The following AHCY variants were observed in gnomAD, a reference collection of about 807,000 sequenced individuals.
AHCY encodes S-adenosyl-L-homocysteine hydrolase.
Under a neutral mutation model 45.4 loss-of-function variants are expected in AHCY, and 24 were observed. The observed-to-expected ratio is 0.53, with a 90% confidence interval of 0.38 to 0.74. AHCY has a LOEUF of 0.74. AHCY is among the 30% of genes least tolerant of loss of function. AHCY has a pLI of 0.00. For synonymous variants in AHCY, 245 were observed against 235.1 expected (o/e 1.04, Z -0.39); for missense variants, 449 against 594.1 (o/e 0.76, Z 2.54).
At chr20:34,232,986 T>C in the AHCY span, among the ~76,000 whole-genome samples, 1 of 152,154 alleles carries the variant, frequency 6.6e-6, no homozygotes, top group Non-Finnish European at 1.5e-5. Flanking sequence ...GAGTTTAACG[T>C]GTTCTCCCTC....
the AHCY span, among the ~76,000 whole-genome samples, chr20:34,235,355 G>T: frequency 6.6e-6 from 1 of 152,048 alleles, no homozygotes; most frequent in South Asian, 2.1e-4. Context: ...CAGGACAATC[G>T]CTTGAAGCGG....
At position 34,285,654 on chromosome 20, in the gene AHCY, C is replaced by T. The variant is rs185042783; in HGVS notation, c.973-20G>A. The T allele has an allele frequency of 7.4e-6, 12 of 1,610,990 alleles. No individual in the cohort carries two copies. The highest frequency in any genetic ancestry group is 6.7e-5 in the African/African-American group (5 of 75,028). On this transcript the variant is annotated intron_variant, in intron 8 of 9. Coordinates refer to ENST00000217426, the MANE Select transcript of AHCY (RefSeq NM_000687.4). ...GTCCACCTACACGCAGGCAGGGCAA[C>T]AGTGAAGGCAGGCAGGGCCCCGCTC...
At chr20:34,247,232 C>T in the AHCY span, among the ~76,000 whole-genome samples, 1 of 151,642 alleles carries the variant, frequency 6.6e-6, no homozygotes. Context: ...ATATTTGCCT[C>T]ACATGGTCCT....
At chr20:34,261,695 G>T in the AHCY span, among the ~76,000 whole-genome samples, 1 of 152,110 alleles carries the variant, frequency 6.6e-6, no homozygotes, top group African/African-American at 2.4e-5. Flanking sequence ...CCAGCTATTT[G>T]GGAGGCTGAG....
chr20:34,303,172 C>T, intron 1 of AHCY, 71 bp downstream of exon 1: 2 of 1,547,310 alleles, frequency 1.3e-6, no homozygotes, highest in African/African-American at 1.4e-5. Context: ...GTCGGCCCTG[C>T]AGCCCCCGCC....
At chr20:34,241,604 T>G in the AHCY span, 1 of 927,828 alleles carries the variant, frequency 1.1e-6, no homozygotes, top group South Asian at 5.0e-5. Context: ...ACAGATTTTT[T>G]TGATTCACTT....
chr20:34,238,689 G>T, the AHCY span, among the ~76,000 whole-genome samples: 34 of 151,934 alleles, frequency 2.2e-4, no homozygotes, highest in Admixed American at 4.6e-4. Flanking sequence ...TCCTTTGAAT[G>T]TGCCATATTT....
At chr20:34,241,467 C>G in the AHCY span, 1 of 985,450 alleles carries the variant, frequency 1.0e-6, no homozygotes, top group Non-Finnish European at 1.2e-6. Context: ...GTTCCTTGGC[C>G]TGGGCTCTTT....
rs139494949 is a variant in AHCY, at chr20:34,291,284, T to C, written c.558+135A>G. ...CCCCTTTTAAACGCACTCATTAGCC[T>C]GTCTATAACCGCTTTTGCCCCCTCA... On this transcript the variant is annotated intron_variant, in intron 5 of 9. Coordinates refer to ENST00000217426, the MANE Select transcript of AHCY (RefSeq NM_000687.4). 85 of 842,382 alleles carry C rather than the reference T, an allele frequency of 1.0e-4. No homozygotes were observed. The African/African-American group carries it at 1.3e-3, about 13-fold the overall frequency. 52.2% of individuals were successfully genotyped at this position (842,382 alleles called of 1,614,324 possible). A position where few individuals can be genotyped will look rare whatever the true frequency, so the allele number is the denominator to read the frequency against.
chr20:34,302,531 T>C (rs1205366), intron 1 of AHCY: 752,617 of 844,972 alleles, frequency 0.89, 335,508 homozygotes, highest in Admixed American at 0.91. Context: ...AGTTTCCCTA[T>C]AGAGCCATGA....
At chr20:34,279,299 T>A (rs2035942630), downstream of AHCY, among the ~76,000 whole-genome samples, 3 of 150,934 alleles carry the variant, frequency 2.0e-5, no homozygotes, top group East Asian at 5.8e-4. Context: ...CGGGTGCCTG[T>A]AGTCCCAGCT....
the AHCY span, among the ~76,000 whole-genome samples, chr20:34,259,749 TAA>T: frequency 2.1e-5 from 3 of 142,790 alleles, no homozygotes; most frequent in Non-Finnish European, 3.1e-5. Context: ...AGACTCCATC[TAA>T]AAAAAAAAAA....
the AHCY span, among the ~76,000 whole-genome samples, chr20:34,273,008 T>C: frequency 6.6e-6 from 1 of 152,206 alleles, no homozygotes; most frequent in Non-Finnish European, 1.5e-5. Flanking sequence ...GCCTGCCACC[T>C]TCTAGGAACC....
At chr20:34,284,172 T>C (rs2122723681) in intron 9 of AHCY, among the ~76,000 whole-genome samples, 1 of 152,198 alleles carries the variant, frequency 6.6e-6, no homozygotes, top group East Asian at 1.9e-4. Flanking sequence ...ATGTATCTTT[T>C]TTTTTTGAGA....
the AHCY span, among the ~76,000 whole-genome samples, chr20:34,267,928 T>A: frequency 1.4e-5 from 2 of 146,560 alleles, no homozygotes; most frequent in African/African-American, 5.5e-5. Context: ...GTGATTAATT[T>A]AAAAAGTTAT....
intron 1 of AHCY, among the ~76,000 whole-genome samples, chr20:34,296,818 CTG>C (rs1365733681): frequency 6.6e-6 from 1 of 152,138 alleles, no homozygotes; most frequent in Non-Finnish European, 1.5e-5. Context: ...GCAAAGGACT[CTG>C]TAGAGAATTT....
At chr20:34,238,059 C>T in the AHCY span, among the ~76,000 whole-genome samples, 1 of 152,156 alleles carries the variant, frequency 6.6e-6, no homozygotes, top group Non-Finnish European at 1.5e-5. Flanking sequence ...ATCTCTCTTG[C>T]TGCTTCCAAG....
chr20:34,251,998 G>A, the AHCY span, among the ~76,000 whole-genome samples: 1 of 152,218 alleles, frequency 6.6e-6, no homozygotes, highest in Non-Finnish European at 1.5e-5. Context: ...ACTAAGACAG[G>A]ATTCATAGAA....
chr20:34,290,531 AC>A lies in AHCY; in HGVS notation c.854+19del, dbSNP rs753303222. 2.5e-6 allele frequency: 4 copies of A among 1,613,222 alleles called. No homozygotes were observed. The highest frequency in any genetic ancestry group is 3.3e-4 in the Middle Eastern group (2 of 6,084). ...CTGCCCTCCTCCCTCACTCCCCGGG[AC>A]CCCCCATCTGGCACCTACCGGCCAA... On this transcript the variant is annotated intron_variant, in intron 7 of 9. Coordinates refer to ENST00000217426, the MANE Select transcript of AHCY (RefSeq NM_000687.4). The surrounding 1 kb of genome is among the most constrained non-coding windows in gnomAD (Gnocchi z 4.5).
Sources: gnomAD v4.1 joint callset for allele counts (sites outside exome capture counted in the v4.1 genomes callset) on GRCh38, gnomAD v4.1.1 for gene constraint, Gnocchi (gnomAD v3.1) non-coding constraint, MANE v1.5 for transcripts, NCBI Gene and HGNC (gene_info 2026-07-23, HGNC 2026-07-21) for gene names.